Variants in CMKLR1 observed in about 807,000 individuals in gnomAD.
CMKLR1 encodes the protein chemerin-like receptor 1.
A neutral mutation model predicts 8.2 loss-of-function variants in CMKLR1; 6 were observed. That is an observed-to-expected ratio of 0.73 (90% confidence interval 0.40 to 1.44). CMKLR1 has a LOEUF of 1.44. CMKLR1 is among the 40% of genes most tolerant of loss of function. The pLI is 0.02. For synonymous variants in CMKLR1, 178 were observed against 181.2 expected, an observed-to-expected ratio of 0.98 and a Z score of 0.14; for missense variants, 429 against 478.0, an observed-to-expected ratio of 0.90 and a Z score of 0.96.
At chr12:108,318,245 G>T (rs1421152813) in intron 2 of CMKLR1, among the ~76,000 whole-genome samples, 1 of 152,210 alleles carries the variant, frequency 6.6e-6, no homozygotes, top group African/African-American at 2.4e-5. Flanking sequence ...TCTTAATAGA[G>T]TCTGGAGTTC....
chr12:108,316,201 A>G (rs1316703652), intron 2 of CMKLR1, among the ~76,000 whole-genome samples: 1 of 152,214 alleles, frequency 6.6e-6, no homozygotes, highest in African/African-American at 2.4e-5. Flanking sequence ...GTGTGGCTGC[A>G]CTGGTCGCCA....
intron 3 of CMKLR1, 23 bp downstream of exon 3, chr12:108,293,566 T>C (rs1013861102): frequency 1.3e-6 from 2 of 1,550,722 alleles, no homozygotes; most frequent in Admixed American, 3.9e-5. Flanking sequence ...CCCTTTGGAG[T>C]TCAGACCACA....
intron 1 of CMKLR1, among the ~76,000 whole-genome samples, chr12:108,337,838 C>G (rs1250329223): frequency 6.6e-6 from 1 of 152,132 alleles, no homozygotes; most frequent in Non-Finnish European, 1.5e-5. Flanking sequence ...GCACCAGAGG[C>G]CTGAATGACC....
At chr12:108,297,491 AG>A (rs2137298450) in intron 2 of CMKLR1, among the ~76,000 whole-genome samples, 1 of 152,314 alleles carries the variant, frequency 6.6e-6, no homozygotes, top group South Asian at 2.1e-4. Context: ...GACTTGTTCA[AG>A]GGTCCAGTGT....
intron 1 of CMKLR1, among the ~76,000 whole-genome samples, chr12:108,334,957 G>A (rs1892187534): frequency 6.6e-6 from 1 of 152,184 alleles, no homozygotes; most frequent in Non-Finnish European, 1.5e-5. Flanking sequence ...GAGAATGGCA[G>A]TTGCCTATGT....
rs768713535 is a variant in CMKLR1, at chr12:108,317,323, G to A, written c.-74+12672C>T. On this transcript the variant is annotated intron_variant, in intron 2 of 3. Transcript: ENST00000550402. ...AGTGTCAAGGAGAGCCCACAAGAAC[G>A]CATTGTTTTCCCTACAAACATTTCA... is the stretch of plus-strand genomic sequence containing the variant. Among the ~76,000 whole-genome samples the A allele has an allele frequency of 1.7e-4, 26 of 152,140 alleles. 1 individual carries two copies. Among genetic ancestry groups the A allele is most frequent in the Non-Finnish European group, 2.4e-4 (16 of 68,034 alleles).
At position 108,330,592 on chromosome 12, in the gene CMKLR1, T is replaced by C. The variant is rs942408060; in HGVS notation, c.-286-385A>G. 1.7e-3 allele frequency among the ~76,000 whole-genome samples: 254 copies of C among 152,206 alleles called. 5 individuals are homozygous for C. The highest frequency in any genetic ancestry group is 2.2e-4 in the Non-Finnish European group (15 of 68,040). Reference sequence around the variant, plus strand: ...TCAATTCAATGCCAATTCGTGATTCTTCTGGGACCTTCTAGAAATGCAAGT... The same window carrying C: ...TCAATTCAATGCCAATTCGTGATTCCTCTGGGACCTTCTAGAAATGCAAGT... On this transcript the variant is annotated intron_variant, in intron 1 of 3. Coordinates refer to ENST00000550402, the MANE Select transcript of CMKLR1 (RefSeq NM_001142343.2).
intron 1 of CMKLR1, among the ~76,000 whole-genome samples, chr12:108,331,392 C>T (rs1488675995): frequency 6.6e-6 from 1 of 152,018 alleles, no homozygotes. Flanking sequence ...CTGGTAAAGC[C>T]TCACTGGTTG....
chr12:108,305,334 G>C (rs375321289), intron 2 of CMKLR1, among the ~76,000 whole-genome samples: 1 of 152,126 alleles, frequency 6.6e-6, no homozygotes, highest in Admixed American at 6.5e-5. Context: ...GCATCAGCTC[G>C]GGATTTGAAC....
chr12:108,311,603 G>A (rs768267027), intron 2 of CMKLR1, among the ~76,000 whole-genome samples: 44 of 152,236 alleles, frequency 2.9e-4, no homozygotes, highest in Non-Finnish European at 4.3e-4. Context: ...TCCAGCCTGG[G>A]TGACAGAGCA....
intron 1 of CMKLR1, among the ~76,000 whole-genome samples, chr12:108,331,048 A>G (rs1276655423): frequency 6.6e-6 from 1 of 152,176 alleles, no homozygotes; most frequent in Admixed American, 6.5e-5. Context: ...TGAGCCAGAC[A>G]AGCATGTCTC....
intron 1 of CMKLR1, among the ~76,000 whole-genome samples, chr12:108,335,036 T>C (rs1310757459): frequency 6.6e-6 from 1 of 152,150 alleles, no homozygotes; most frequent in African/African-American, 2.4e-5. Context: ...GGGAATTACC[T>C]TGAGGATAGG....
Position 108,292,347 on chromosome 12 carries a change from G to T in CMKLR1, c.616C>A (p.His206Asn), listed in dbSNP as rs1433053996. 6.2e-7 allele frequency: 1 copy of T among 1,614,032 alleles called. No homozygotes were observed. Among genetic ancestry groups the T allele is most frequent in the African/African-American group, 1.3e-5 (1 of 74,906 alleles). ...STPGSSSWPTHSQMDPVGYSR... is the reference protein window; with the variant it reads ...STPGSSSWPTNSQMDPVGYSR... Reference sequence around the variant, plus strand: ...TACCCCACAGGGTCCATTTGGGAGTGAGTGGGCCACGAGGAAGACCCAGGT... The same window carrying T: ...TACCCCACAGGGTCCATTTGGGAGTTAGTGGGCCACGAGGAAGACCCAGGT... The change falls in exon 4 of 4, where the codon CAC (histidine) becomes AAC (asparagine). Residue 206 changes from histidine to asparagine, a missense_variant. Transcript: ENST00000550402.
In CMKLR1 at chr12:108,292,723, G is replaced by T; in HGVS notation, c.240C>A (p.Asn80Lys). ...TGAACAGGAAATCTGCCACTGCCAG[G>T]TTGAGGAACCAGACCATGTTCACTG... ...KKTVNMVWFL[N>K]LAVADFLFNV... The change falls in exon 4 of 4, where the codon AAC becomes AAA. Residue 80 changes from asparagine to lysine, a missense_variant. Transcript: ENST00000550402. 6.2e-7 allele frequency: 1 copy of T among 1,614,158 alleles called. No individual in the cohort carries two copies. The highest frequency in any genetic ancestry group is 8.5e-7 in the Non-Finnish European group (1 of 1,180,022).
intron 2 of CMKLR1, among the ~76,000 whole-genome samples, chr12:108,300,577 C>T (rs1302599712): frequency 6.6e-6 from 1 of 152,114 alleles, no homozygotes; most frequent in African/African-American, 2.4e-5. Context: ...GAACATAGAA[C>T]AACACAACAA....
intron 2 of CMKLR1, among the ~76,000 whole-genome samples, chr12:108,311,025 G>C (rs377737559): frequency 6.6e-6 from 1 of 151,516 alleles, no homozygotes; most frequent in African/African-American, 2.4e-5. Flanking sequence ...GTCTGGTGCT[G>C]GGGTTCTGGA....
chr12:108,297,337 C>T (rs774054289), intron 2 of CMKLR1, among the ~76,000 whole-genome samples: 2 of 152,058 alleles, frequency 1.3e-5, no homozygotes, highest in Non-Finnish European at 2.9e-5. Flanking sequence ...ATACATATAA[C>T]ATAAAAAAAT....
At chr12:108,324,907 C>T (rs1005345966) in intron 2 of CMKLR1, among the ~76,000 whole-genome samples, 3 of 152,150 alleles carry the variant, frequency 2.0e-5, no homozygotes, top group African/African-American at 7.2e-5. Context: ...AGGGAAGAAA[C>T]CAGCAAGAAC....
chr12:108,320,289 A>ACACTGGGGT (rs972838847), intron 2 of CMKLR1, among the ~76,000 whole-genome samples: 11 of 151,952 alleles, frequency 7.2e-5, no homozygotes, highest in Admixed American at 7.2e-4. Context: ...GAACATATGG[A>ACACTGGGGT]CCCCAGTGTC....
Sources: gnomAD v4.1 joint callset for allele counts (sites outside exome capture counted in the v4.1 genomes callset) on GRCh38, gnomAD v4.1.1 for gene constraint, MANE v1.5 for transcripts, NCBI Gene and HGNC (gene_info 2026-07-23, HGNC 2026-07-21) for gene names.